Variants in GALNT13 observed in about 807,000 individuals in gnomAD.
GALNT13 encodes the protein UDP-GalNAc:polypeptide N-acetylgalactosaminyltransferase 13.
Under a neutral mutation model 64.2 loss-of-function variants are expected in GALNT13, and 28 were observed. That is an observed-to-expected ratio of 0.44 (90% CI 0.32 to 0.60). The LOEUF (loss-of-function observed/expected upper bound fraction) is 0.60. GALNT13 is among the 20% of genes least tolerant of loss of function. The pLI, the probability that GALNT13 is intolerant of heterozygous loss-of-function variation, is 0.05. For missense variants in GALNT13, 577 were observed against 669.8 expected (o/e 0.86, Z 1.53); for synonymous variants, 214 against 224.6 (o/e 0.95, Z 0.42).
At chr2:153,082,608 TATATATATATACACACACACACACACAC>T in the GALNT13 span, among the ~76,000 whole-genome samples, 33 of 44,936 alleles carry the variant, frequency 7.3e-4, no homozygotes, top group African/African-American at 3.2e-3. Flanking sequence ...TATATATATA[TATATATATATACACACACACACACACAC>T]ACACACACAC....
chr2:153,740,990 T>C, the GALNT13 span, among the ~76,000 whole-genome samples: 1 of 152,286 alleles, frequency 6.6e-6, no homozygotes, highest in Non-Finnish European at 1.5e-5. Flanking sequence ...CTAAAAGTTA[T>C]AAAAGAGGGA....
the GALNT13 span, among the ~76,000 whole-genome samples, chr2:153,834,716 C>T: frequency 2.0e-5 from 3 of 152,072 alleles, no homozygotes; most frequent in African/African-American, 7.2e-5. Flanking sequence ...CTATAGTACA[C>T]ATTGATTTTC....
At chr2:154,352,051 A>C (rs992905052) in intron 9 of GALNT13, among the ~76,000 whole-genome samples, 1 of 152,210 alleles carries the variant, frequency 6.6e-6, no homozygotes, top group Non-Finnish European at 1.5e-5. Context: ...ATTTGATAAC[A>C]ATACAAACTA....
chr2:153,824,500 T>C, the GALNT13 span, among the ~76,000 whole-genome samples: 1 of 152,138 alleles, frequency 6.6e-6, no homozygotes, highest in Non-Finnish European at 1.5e-5. Context: ...GTTGTGACAA[T>C]GGGCATATGA....
the GALNT13 span, among the ~76,000 whole-genome samples, chr2:153,507,152 C>G: frequency 6.6e-6 from 1 of 152,046 alleles, no homozygotes; most frequent in Non-Finnish European, 1.5e-5. Flanking sequence ...CTGAGACTTT[C>G]CAGTGCATTT....
At chr2:154,126,876 G>C (rs968436158) in intron 3 of GALNT13, among the ~76,000 whole-genome samples, 6 of 151,870 alleles carry the variant, frequency 4.0e-5, no homozygotes, top group Non-Finnish European at 5.9e-5. Context: ...ACAGTACATG[G>C]GAAAAAAGAG....
chr2:153,848,128 C>T, the GALNT13 span, among the ~76,000 whole-genome samples: 12 of 152,180 alleles, frequency 7.9e-5, no homozygotes, highest in Non-Finnish European at 1.8e-4. Context: ...AAGCCAGAAG[C>T]TGTAGGATGG....
At chr2:153,477,407 A>G in the GALNT13 span, 1 of 152,636 alleles carries the variant, frequency 6.6e-6, no homozygotes, top group Admixed American at 6.5e-5. Flanking sequence ...AAACGGTGTC[A>G]CGGATGTCAA....
chr2:153,952,998 A>C (rs1451753662), intron 3 of GALNT13, among the ~76,000 whole-genome samples: 1 of 152,158 alleles, frequency 6.6e-6, no homozygotes, highest in Non-Finnish European at 1.5e-5. Flanking sequence ...CCATGCTGGC[A>C]GCGGATTAGA....
chr2:153,956,814 A>C (rs1692598913), intron 3 of GALNT13, among the ~76,000 whole-genome samples: 1 of 152,202 alleles, frequency 6.6e-6, no homozygotes, highest in Non-Finnish European at 1.5e-5. Flanking sequence ...CATTCTATAG[A>C]TAAGAATCAT....
the GALNT13 span, among the ~76,000 whole-genome samples, chr2:153,700,258 A>C: frequency 6.6e-6 from 1 of 152,200 alleles, no homozygotes; most frequent in African/African-American, 2.4e-5. Context: ...TGATTATCTC[A>C]ATAGATGCAG....
chr2:153,600,131 G>A, the GALNT13 span, among the ~76,000 whole-genome samples: 3 of 151,992 alleles, frequency 2.0e-5, no homozygotes, highest in Admixed American at 6.6e-5. Context: ...ATAGAGGCCA[G>A]GGGGCAGAGC....
At position 154,088,864 on chromosome 2, in the gene GALNT13, T is replaced by G. The variant is rs72870349; in HGVS notation, c.143-51473T>G. Among the ~76,000 whole-genome samples the G allele has an allele frequency of 3.3e-3, 507 of 152,294 alleles. 1 individual carries two copies. The highest frequency in any genetic ancestry group is 0.01 in the Middle Eastern group (3 of 294). ...CAATTGCCAGCTGATTGCATTATTGTGTTTAAAATTATCCTGGGGCATAAA... is the reference window on the plus strand; with the variant it reads ...CAATTGCCAGCTGATTGCATTATTGGGTTTAAAATTATCCTGGGGCATAAA... On this transcript the variant is annotated intron_variant, in intron 3 of 12. Transcript: ENST00000392825.
the GALNT13 span, among the ~76,000 whole-genome samples, chr2:153,806,848 C>T: frequency 6.6e-6 from 1 of 151,926 alleles, no homozygotes; most frequent in Admixed American, 6.6e-5. Flanking sequence ...AGGAACTTAA[C>T]AACATGCTGA....
At chr2:153,633,390 T>C in the GALNT13 span, among the ~76,000 whole-genome samples, 72 of 152,202 alleles carry the variant, frequency 4.7e-4, no homozygotes, top group African/African-American at 1.7e-3. Flanking sequence ...AGTCATTTTT[T>C]TCCCATTCAG....
intron 12 of GALNT13, chr2:154,441,888 T>G (rs1701315590): frequency 6.6e-6 from 1 of 152,114 alleles, no homozygotes; most frequent in Admixed American, 6.6e-5. Flanking sequence ...TACAATAGTC[T>G]TATAAGACAG....
rs569114109 is a variant in GALNT13, at chr2:154,240,556, C to A, written c.312-1474C>A. On this transcript the variant is annotated intron_variant, in intron 4 of 12. Transcript: ENST00000392825. ...CACACGGCGTGTGATGGGGCTGTGG[C>A]TTGCTTCTTCAGTGCCCCTCTGCTC... is the stretch of plus-strand genomic sequence containing the variant. 2.0e-5 allele frequency among the ~76,000 whole-genome samples: 3 copies of A among 152,264 alleles called. No homozygotes were observed. In the South Asian group the frequency reaches 6.2e-4, roughly 32 times the overall value.
chr2:153,434,206 C>T, the GALNT13 span, among the ~76,000 whole-genome samples: 1 of 152,152 alleles, frequency 6.6e-6, no homozygotes, highest in Non-Finnish European at 1.5e-5. Flanking sequence ...ATATGTGCCA[C>T]ATTTTCTTAA....
chr2:153,658,516 T>C, the GALNT13 span, among the ~76,000 whole-genome samples: 1 of 152,166 alleles, frequency 6.6e-6, no homozygotes, highest in African/African-American at 2.4e-5. Flanking sequence ...TTAATTTATA[T>C]TTCTGATTAG....
Sources: allele counts gnomAD v4.1 joint callset (sites outside exome capture counted in the v4.1 genomes callset), GRCh38; gene constraint gnomAD v4.1.1; transcripts MANE v1.5; gene names NCBI Gene and HGNC (gene_info 2026-07-23, HGNC 2026-07-21).